Variants in DNAAF6 observed in about 807,000 individuals in gnomAD.
DNAAF6 encodes the protein PIH1 domain containing 3.
A neutral mutation model predicts 13.7 loss-of-function variants in DNAAF6; 3 were observed. That is an observed-to-expected ratio of 0.22 (90% CI 0.10 to 0.56). DNAAF6 has a LOEUF of 0.56. Among genes scored for constraint, DNAAF6 ranks in the 20% least tolerant of loss-of-function variants. The pLI is 0.92. For synonymous variants in DNAAF6, 54 were observed against 49.2 expected (o/e 1.10, Z -0.41); for missense variants, 130 against 151.0 (o/e 0.86, Z 0.73).
At chrX:107,242,132 C>T (rs1473786865) in intron 6 of DNAAF6, among the ~76,000 whole-genome samples, 1 of 111,615 alleles carries the variant, frequency 9.0e-6, no homozygotes, top group African/African-American at 3.3e-5. Context: ...GCAACGTATT[C>T]AGGCGAAGTG....
At chrX:107,234,806 C>T (rs1928480466) in intron 5 of DNAAF6, among the ~76,000 whole-genome samples, 1 of 111,550 alleles carries the variant, frequency 9.0e-6, no homozygotes, top group Non-Finnish European at 1.9e-5. Context: ...GAATGGATGA[C>T]CTCCATGAAA....
intron 1 of DNAAF6, among the ~76,000 whole-genome samples, chrX:107,208,792 C>T (rs889693754): frequency 9.0e-6 from 1 of 111,616 alleles, no homozygotes; most frequent in African/African-American, 3.3e-5. Context: ...CGGCCTCGGC[C>T]TCCCAAAGTG....
intron 3 of DNAAF6, among the ~76,000 whole-genome samples, chrX:107,218,590 G>A (rs892170435): frequency 9.0e-6 from 1 of 110,768 alleles, no homozygotes; most frequent in Non-Finnish European, 1.9e-5. Context: ...ATTATCTCCA[G>A]GCAGTTGGAT....
chrX:107,230,760 C>A, intron 5 of DNAAF6, among the ~76,000 whole-genome samples: 1 of 112,102 alleles, frequency 8.9e-6, no homozygotes, highest in Non-Finnish European at 1.9e-5. Flanking sequence ...AATCCAAACT[C>A]CTTATCTTAA....
At chrX:107,211,027 CA>C in intron 1 of DNAAF6, among the ~76,000 whole-genome samples, 1 of 111,771 alleles carries the variant, frequency 8.9e-6, no homozygotes, top group Non-Finnish European at 1.9e-5. Context: ...TAGTTCCCTA[CA>C]AATAGTTCTT....
At chrX:107,223,501 A>G (rs1037928556) in intron 5 of DNAAF6, among the ~76,000 whole-genome samples, 3 of 111,678 alleles carry the variant, frequency 2.7e-5, no homozygotes, top group African/African-American at 9.7e-5. Flanking sequence ...TCATCCTGAT[A>G]ATGACCTTGT....
chrX:107,219,742 G>T (rs1192854977), intron 4 of DNAAF6, among the ~76,000 whole-genome samples: 4 of 110,357 alleles, frequency 3.6e-5, no homozygotes, highest in African/African-American at 1.3e-4. Flanking sequence ...AATTCTTAAA[G>T]ACTTCTATGG....
chrX:107,230,393 T>C (rs1928361267), intron 5 of DNAAF6, among the ~76,000 whole-genome samples: 1 of 111,937 alleles, frequency 8.9e-6, no homozygotes, highest in Admixed American at 9.5e-5. Context: ...TTTTTAAAAG[T>C]AAGTCAAGGC....
Position 107,243,226 on chromosome X carries a change from T to C in DNAAF6, c.573T>C (p.Tyr191=). The change falls in exon 7 of 7, where the codon TAT becomes TAC. Residue 191 remains tyrosine (Y), a synonymous_variant. Coordinates refer to ENST00000372453, the MANE Select transcript of DNAAF6 (RefSeq NM_173494.2). The part of the protein sequence containing the change: ...LVECTSAKAF[Y]IPETETLEIT... ...AATGTACCAGTGCCAAAGCATTCTA[T>C]ATCCCAGAGACTGAAACTCTTGAAA... The C allele has an allele frequency of 1.7e-6, 2 of 1,210,603 alleles. No individual in the cohort carries two copies. The highest frequency in any genetic ancestry group is 1.1e-6 in the Non-Finnish European group (1 of 895,067).
At chrX:107,228,718 C>T (rs1186018107) in intron 5 of DNAAF6, among the ~76,000 whole-genome samples, 1 of 110,980 alleles carries the variant, frequency 9.0e-6, no homozygotes. Context: ...TGGGCTCAAG[C>T]GATCCTCCCA....
At chrX:107,219,712 A>C (rs974105501) in intron 4 of DNAAF6, among the ~76,000 whole-genome samples, 1 of 111,616 alleles carries the variant, frequency 9.0e-6, no homozygotes, top group African/African-American at 3.3e-5. Context: ...AACACTTACT[A>C]AATTATAATG....
rs1051371389 is a variant in DNAAF6, at chrX:107,237,545, G to A, written c.430-1377G>A. ...CATTAGTGACATTTAGTATATTCAC[G>A]ATGTTGTGCAACCATCACCAGTATC... On this transcript the variant is annotated intron_variant, in intron 5 of 6. Coordinates refer to ENST00000372453, the MANE Select transcript of DNAAF6 (RefSeq NM_173494.2). Among the ~76,000 whole-genome samples the A allele has an allele frequency of 3.6e-5, 4 of 112,281 alleles. No homozygotes were observed. The Admixed American group carries it at 3.8e-4, about 11-fold the overall frequency.
intron 1 of DNAAF6, among the ~76,000 whole-genome samples, chrX:107,208,430 CAAAAACAA>C (rs1190626641): frequency 7.4e-5 from 8 of 108,612 alleles, no homozygotes; most frequent in Non-Finnish European, 1.1e-4. Context: ...GACCCTGTCT[CAAAAACAA>C]AAAAACAAAA....
intron 5 of DNAAF6, among the ~76,000 whole-genome samples, chrX:107,231,051 T>C (rs1008792699): frequency 8.9e-6 from 1 of 112,032 alleles, no homozygotes; most frequent in African/African-American, 3.2e-5. Flanking sequence ...GTAATAATAG[T>C]GAATACTGAA....
chrX:107,237,659 C>A lies in DNAAF6; in HGVS notation c.430-1263C>A, dbSNP rs1253160104. On this transcript the variant is annotated intron_variant, in intron 5 of 6. Transcript: ENST00000372453. ...TCTTCTCCATTTCCGCAGCCCCTAG[C>A]AACCACCAATCTCTTTTCTGTCTGT... Among the ~76,000 whole-genome samples the A allele has an allele frequency of 2.7e-5, 3 of 112,102 alleles. No homozygotes were observed. In the East Asian group the frequency reaches 8.4e-4, roughly 31 times the overall value.
intron 4 of DNAAF6, among the ~76,000 whole-genome samples, chrX:107,221,295 C>T (rs1207062200): frequency 9.2e-6 from 1 of 108,988 alleles, no homozygotes; most frequent in Admixed American, 9.8e-5. Flanking sequence ...TTTTTCTTCG[C>T]CAACCACCGC....
chrX:107,209,299 T>A (rs991339408), intron 1 of DNAAF6, among the ~76,000 whole-genome samples: 1 of 112,280 alleles, frequency 8.9e-6, no homozygotes, highest in African/African-American at 3.2e-5. Context: ...AAAAATAAAG[T>A]TGCAGAAGAA....
chrX:107,229,994 A>T lies in DNAAF6; in HGVS notation c.429+7153A>T, dbSNP rs141907937. Among the ~76,000 whole-genome samples the T allele has an allele frequency of 1.4e-4, 16 of 111,540 alleles. No individual in the cohort carries two copies. In the East Asian group the frequency reaches 4.5e-3, roughly 32 times the overall value. On this transcript the variant is annotated intron_variant, in intron 5 of 6. Transcript: ENST00000372453. ...GAGCCACCACCCCCGGCCTCATATA[A>T]CTATTTACTTGCCATCTCTTACTTG...
chrX:107,220,091 G>A (rs1241384080), intron 4 of DNAAF6, among the ~76,000 whole-genome samples: 1 of 111,890 alleles, frequency 8.9e-6, no homozygotes, highest in East Asian at 2.8e-4. Flanking sequence ...GAGCCACTGC[G>A]CCCAGCCAAA....
Sources: gnomAD v4.1 joint callset for allele counts (sites outside exome capture counted in the v4.1 genomes callset) on GRCh38, gnomAD v4.1.1 for gene constraint, MANE v1.5 for transcripts, NCBI Gene and HGNC (gene_info 2026-07-23, HGNC 2026-07-21) for gene names.